YWHAE: variants seen among roughly 807,000 people sequenced by gnomAD.
YWHAE encodes the protein tyrosine 3-monooxygenase/tryptophan 5-monooxygenase activation protein epsilon, also known as 14-3-3 protein epsilon.
Under a neutral mutation model 30.1 loss-of-function variants are expected in YWHAE, and 4 were observed. The observed-to-expected ratio is 0.13, with a 90% confidence interval of 0.07 to 0.30. YWHAE has a LOEUF of 0.30. Among genes scored for constraint, YWHAE ranks in the 10% least tolerant of loss-of-function variants. The pLI is 1.00. For synonymous variants in YWHAE, 118 were observed against 111.8 expected (o/e 1.06, Z -0.35); for missense variants, 121 against 315.9 (o/e 0.38, Z 4.68).
At chr17:1,383,546 G>C (rs1231850817) in intron 1 of YWHAE, among the ~76,000 whole-genome samples, 2 of 131,870 alleles carry the variant, frequency 1.5e-5, no homozygotes, top group East Asian at 4.4e-4. Flanking sequence ...GTGCCACCAC[G>C]CCCGGCAAGT....
At chr17:1,350,875 T>C (rs1488540884) in intron 5 of YWHAE, among the ~76,000 whole-genome samples, 1 of 150,050 alleles carries the variant, frequency 6.7e-6, no homozygotes, top group Non-Finnish European at 1.5e-5. Context: ...CTGGCCAACA[T>C]GGTGAAACCC....
chr17:1,399,400 C>G (rs2073529183), intron 1 of YWHAE: 1 of 152,678 alleles, frequency 6.5e-6, no homozygotes, highest in Non-Finnish European at 1.5e-5. Context: ...AGCCTGCCAC[C>G]GCCCGAAGAC....
At chr17:1,382,145 T>G (rs1266470392) in intron 1 of YWHAE, among the ~76,000 whole-genome samples, 2 of 151,434 alleles carry the variant, frequency 1.3e-5, no homozygotes, top group Non-Finnish European at 2.9e-5. Context: ...GCCTCCCGGG[T>G]TCACGCCATT....
At position 1,349,430 on chromosome 17, in the gene YWHAE, A is replaced by C. The variant is rs1174797464; in HGVS notation, c.716-3931T>G. Among the ~76,000 whole-genome samples the C allele has an allele frequency of 2.6e-5, 4 of 152,300 alleles. No individual in the cohort carries two copies. In the East Asian group the frequency reaches 7.7e-4, roughly 29 times the overall value. On this transcript the variant is annotated intron_variant, in intron 5 of 5. Transcript: ENST00000264335. ...ATTATTTGTGTATTCAGAGTTTGTT[A>C]GTTGTACCGGAATGTCAACAGACCA...
rs75078124 is a variant in YWHAE, at chr17:1,398,341, C to CTCCT, written c.64+1705_64+1706insAGGA. On this transcript the variant is annotated intron_variant, in intron 1 of 5. Transcript: ENST00000264335. ...CTGTACTTCCCCATCTTATCCCCCC[C>CTCCT]CCCAACAGGAACCTTGTTGAATACA... Among the ~76,000 whole-genome samples the CTCCT allele has an allele frequency of 2.0e-5, 3 of 148,500 alleles. No homozygotes were observed. The Admixed American group carries it at 2.0e-4, about 10-fold the overall frequency.
chr17:1,381,531 A>C (rs1267219296), intron 1 of YWHAE, among the ~76,000 whole-genome samples: 1 of 152,090 alleles, frequency 6.6e-6, no homozygotes, highest in Non-Finnish European at 1.5e-5. Flanking sequence ...AAACTCAAAA[A>C]AATAAGTAAA....
chr17:1,387,725 C>G (rs1029796650), intron 1 of YWHAE, among the ~76,000 whole-genome samples: 1 of 151,922 alleles, frequency 6.6e-6, no homozygotes, highest in Non-Finnish European at 1.5e-5. Context: ...CGAGTTCAAG[C>G]GATTCTGCTG....
chr17:1,356,652 T>C (rs1030469462), intron 4 of YWHAE, among the ~76,000 whole-genome samples: 8 of 152,068 alleles, frequency 5.3e-5, no homozygotes, highest in Non-Finnish European at 1.0e-4. Flanking sequence ...CAAACTCAAC[T>C]AGCCATTTAG....
intron 1 of YWHAE, among the ~76,000 whole-genome samples, chr17:1,387,622 G>A (rs1214444134): frequency 2.0e-5 from 3 of 151,880 alleles, no homozygotes; most frequent in Non-Finnish European, 2.9e-5. Flanking sequence ...ATTTCTTTGC[G>A]GGGGTGGGGG....
chr17:1,393,354 G>C (rs1175857072), intron 1 of YWHAE, among the ~76,000 whole-genome samples: 1 of 151,474 alleles, frequency 6.6e-6, no homozygotes, highest in Non-Finnish European at 1.5e-5. Flanking sequence ...AAAAGTGAGA[G>C]GAGAAAATAT....
At position 1,388,118 on chromosome 17, in the gene YWHAE, G is replaced by GTTTTT. The variant is rs1297503908; in HGVS notation, c.64+11924_64+11928dup. 4.5e-3 allele frequency among the ~76,000 whole-genome samples: 69 copies of GTTTTT among 15,486 alleles called. 7 individuals are homozygous for GTTTTT. The highest frequency in any genetic ancestry group is 0.017 in the African/African-American group (33 of 1,972). 10.2% of individuals were successfully genotyped at this position (15,486 alleles called of 152,430 possible). A position where few individuals can be genotyped will look rare whatever the true frequency, so the allele number is the denominator to read the frequency against. On this transcript the variant is annotated intron_variant, in intron 1 of 5. Transcript: ENST00000264335. Reference sequence around the variant, plus strand: ...TAATTTTTGTTTTTTTTTTTGGTTGGTTTTTTTTTTTTTTTTTTTTTTTTA... The same window carrying GTTTTT: ...TAATTTTTGTTTTTTTTTTTGGTTGGTTTTTTTTTTTTTTTTTTTTTTTTTTTTTA...
intron 1 of YWHAE, among the ~76,000 whole-genome samples, chr17:1,371,210 G>A (rs2073037841): frequency 6.6e-6 from 1 of 151,996 alleles, no homozygotes; most frequent in South Asian, 2.1e-4. Context: ...AGCCTCCTGA[G>A]TAGCTGGGAC....
At position 1,382,852 on chromosome 17, in the gene YWHAE, C is replaced by T. The variant is rs541207169; in HGVS notation, c.64+17195G>A. On this transcript the variant is annotated intron_variant, in intron 1 of 5. Transcript: ENST00000264335. ...CCAGCCTGGCCAACCTGGCGAAACC[C>T]CATCTCTACTAATAATACAAAAATT... is the stretch of plus-strand genomic sequence containing the variant. Among the ~76,000 whole-genome samples, 3 of 151,910 alleles carry T rather than the reference C, an allele frequency of 2.0e-5. No individual in the cohort carries two copies. In the South Asian group the frequency reaches 6.2e-4, roughly 32 times the overall value.
intron 1 of YWHAE, among the ~76,000 whole-genome samples, chr17:1,384,450 G>C (rs1418270489): frequency 6.6e-6 from 1 of 151,190 alleles, no homozygotes; most frequent in African/African-American, 2.4e-5. Context: ...CCAGCACTTT[G>C]GGAGGCCAAG....
At chr17:1,377,917 C>T (rs913920407) in intron 1 of YWHAE, among the ~76,000 whole-genome samples, 3 of 152,140 alleles carry the variant, frequency 2.0e-5, no homozygotes, top group East Asian at 1.9e-4. Context: ...GGCATGGTGG[C>T]GGGTGCCTGT....
At chr17:1,362,675 G>A (rs1329378180) in intron 2 of YWHAE, among the ~76,000 whole-genome samples, 2 of 152,040 alleles carry the variant, frequency 1.3e-5, no homozygotes, top group East Asian at 3.9e-4. Flanking sequence ...CTTGCTTCCT[G>A]TTTGCTATTA....
intron 4 of YWHAE, among the ~76,000 whole-genome samples, chr17:1,355,148 A>AAAAAAAATT (rs1555639303): frequency 1.0e-4 from 8 of 76,794 alleles, no homozygotes; most frequent in South Asian, 4.6e-4. Flanking sequence ...AAAAAAAAAA[A>AAAAAAAATT]TTTTTTTTTT....
intron 5 of YWHAE, among the ~76,000 whole-genome samples, chr17:1,351,089 G>A (rs1339422303): frequency 6.9e-6 from 1 of 145,258 alleles, no homozygotes; most frequent in African/African-American, 2.6e-5. Flanking sequence ...AGCCAGGCGC[G>A]GTGGCTCACA....
At chr17:1,371,765 A>C (rs1464131332) in intron 1 of YWHAE, among the ~76,000 whole-genome samples, 1 of 152,050 alleles carries the variant, frequency 6.6e-6, no homozygotes, top group African/African-American at 2.4e-5. Context: ...TGGTGTGGTC[A>C]CCATCAATAA....
Sources: gnomAD v4.1 joint callset for allele counts (sites outside exome capture counted in the v4.1 genomes callset) on GRCh38, gnomAD v4.1.1 for gene constraint, MANE v1.5 for transcripts, NCBI Gene and HGNC (gene_info 2026-07-23, HGNC 2026-07-21) for gene names.